CSMD2: variants seen among roughly 807,000 people sequenced by gnomAD.
CSMD2 encodes CUB and Sushi multiple domains 2.
In CSMD2, 130 loss-of-function variants were observed where a neutral mutation model predicts 398.5. The observed-to-expected ratio is 0.33, with a 90% confidence interval of 0.28 to 0.38. CSMD2 has a LOEUF of 0.38. Ranked by LOEUF, CSMD2 falls within the 10% of genes least tolerant of loss-of-function variation. The probability of loss-of-function intolerance (pLI) is 1.00; values close to 1 mark genes in which losing one functional copy is unlikely to be tolerated. For missense variants in CSMD2, 3,829 were observed against 4,764.9 expected (o/e 0.80, Z 5.78); for synonymous variants, 1,828 against 1,908.5 (o/e 0.96, Z 1.10).
intron 13 of CSMD2, among the ~76,000 whole-genome samples, chr1:33,748,597 C>T (rs1449076485): frequency 2.0e-5 from 3 of 151,620 alleles, no homozygotes; most frequent in African/African-American, 7.3e-5. Context: ...GGTGTTGTCA[C>T]CAAACAAAGA....
Position 33,614,613 on chromosome 1 carries a change from A to G in CSMD2, c.6024T>C (p.Cys2008=), listed in dbSNP as rs1280872449. ...CCTCCATCTCCTCCACTGTTCCCCC[A>G]CACTGTGCTGTGACAATGAGATGAG... The part of the protein sequence containing the change: ...NYPPPLCIAQ[C]GGTVEEMEGV... Residue 2008 remains cysteine, a synonymous_variant, in exon 40 of 71, where the codon TGT becomes TGC. Coordinates refer to ENST00000373381, the MANE Select transcript of CSMD2 (RefSeq NM_001281956.2). 4 of 1,597,652 alleles carry G rather than the reference A, an allele frequency of 2.5e-6. No individual in the cohort carries two copies. The Admixed American group carries it at 6.7e-5, about 27-fold the overall frequency.
At chr1:33,680,438 T>C (rs1010995211) in intron 25 of CSMD2, among the ~76,000 whole-genome samples, 2 of 152,134 alleles carry the variant, frequency 1.3e-5, no homozygotes, top group Admixed American at 1.3e-4. Context: ...TTCCTTTCCC[T>C]GTGCACCGTC....
At chr1:33,585,190 C>T (rs1638999374) in intron 46 of CSMD2, among the ~76,000 whole-genome samples, 1 of 152,154 alleles carries the variant, frequency 6.6e-6, no homozygotes, top group Non-Finnish European at 1.5e-5. Flanking sequence ...CAGTGTTTTG[C>T]AGTAGATGTG....
At chr1:33,927,164 T>C (rs138249374) in intron 4 of CSMD2, among the ~76,000 whole-genome samples, 9 of 152,308 alleles carry the variant, frequency 5.9e-5, no homozygotes, top group Admixed American at 2.0e-4. Context: ...CCTTTTCTTG[T>C]GGTGAATGGT....
chr1:33,644,972 C>T (rs544538433), intron 29 of CSMD2, among the ~76,000 whole-genome samples: 6 of 152,106 alleles, frequency 3.9e-5, no homozygotes, highest in African/African-American at 9.6e-5. Context: ...GAACTGTACC[C>T]GACAAACAGG....
At chr1:33,754,200 G>A (rs1648673295) in intron 13 of CSMD2, among the ~76,000 whole-genome samples, 1 of 152,188 alleles carries the variant, frequency 6.6e-6, no homozygotes, top group South Asian at 2.1e-4. Context: ...TTGGACATGG[G>A]GCCTGGGGGG....
chr1:33,984,834 AGGAG>A (rs1184672225), intron 3 of CSMD2, among the ~76,000 whole-genome samples: 1 of 146,858 alleles, frequency 6.8e-6, no homozygotes, highest in Non-Finnish European at 1.5e-5. Context: ...GAAGGAGGGA[AGGAG>A]GAAGGAAGGA....
intron 3 of CSMD2, among the ~76,000 whole-genome samples, chr1:33,950,286 C>T (rs1296962640): frequency 6.6e-6 from 1 of 152,082 alleles, no homozygotes; most frequent in Non-Finnish European, 1.5e-5. Context: ...CAAGGTCCTC[C>T]ATGAGCTAGC....
At chr1:33,985,833 A>G (rs548104522) in intron 3 of CSMD2, among the ~76,000 whole-genome samples, 1 of 152,008 alleles carries the variant, frequency 6.6e-6, no homozygotes, top group Admixed American at 6.6e-5. Context: ...GAGGCCTGGA[A>G]TCTCTTTGAT....
chr1:34,049,216 G>C (rs1034656764), intron 2 of CSMD2, among the ~76,000 whole-genome samples: 2 of 152,184 alleles, frequency 1.3e-5, no homozygotes, highest in African/African-American at 4.8e-5. Flanking sequence ...GGCTTTACCT[G>C]TGGGCCTCAT....
At chr1:34,086,579 T>A (rs1657912388) in intron 2 of CSMD2, among the ~76,000 whole-genome samples, 2 of 152,216 alleles carry the variant, frequency 1.3e-5, no homozygotes, top group Middle Eastern at 3.4e-3. Flanking sequence ...ATCTCCTTTC[T>A]CCCATAGCCC....
chr1:33,625,054 C>A lies in CSMD2; in HGVS notation c.5497G>T (p.Val1833Leu), dbSNP rs1420737474. 2 of 1,613,996 alleles carry A rather than the reference C, an allele frequency of 1.2e-6. No homozygotes were observed. ...AQWNVSAPTC[V>L]VPCGGNLTER... ...CGCCCGGGTCCTGGTTACTCACCCA[C>A]ACACGTGGGCGCTGAGACATTCCAT... The change falls in exon 34 of 71, where the codon GTG (valine) becomes TTG (leucine). Residue 1833 changes from valine (V) to leucine (L), a missense_variant. Physicochemically the swap from Val to Leu is conservative, Grantham distance 32 (BLOSUM62 1). This residue lies in a region of CSMD2 where 2,001 missense variants were observed against 2,567.1 expected (regional missense o/e 0.78). Coordinates refer to ENST00000373381, the MANE Select transcript of CSMD2 (RefSeq NM_001281956.2).
chr1:33,572,484 C>A, intron 50 of CSMD2, 22 bp downstream of exon 50: 1 of 1,536,310 alleles, frequency 6.5e-7, no homozygotes, highest in South Asian at 1.3e-5. Flanking sequence ...CTTACACCCG[C>A]CTCCATTGCC....
chr1:33,524,760 C>A (rs532721862), intron 66 of CSMD2, 122 bp downstream of exon 66: 48 of 961,626 alleles, frequency 5.0e-5, no homozygotes, highest in Non-Finnish European at 6.5e-5. Context: ...CTTCCTCTTC[C>A]CTGACCACCA....
At chr1:34,134,641 C>T (rs1330597862) in intron 1 of CSMD2, among the ~76,000 whole-genome samples, 1 of 152,146 alleles carries the variant, frequency 6.6e-6, no homozygotes, top group East Asian at 1.9e-4. Flanking sequence ...AGTGTAAACA[C>T]AGGTCCAAAC....
chr1:33,849,268 T>C (rs1204564384), intron 5 of CSMD2, among the ~76,000 whole-genome samples: 1 of 152,178 alleles, frequency 6.6e-6, no homozygotes, highest in Non-Finnish European at 1.5e-5. Flanking sequence ...GGCAGAATCA[T>C]CACATCAGAC....
chr1:34,126,815 G>A (rs1287366142), intron 1 of CSMD2, among the ~76,000 whole-genome samples: 14 of 151,322 alleles, frequency 9.3e-5, no homozygotes, highest in Admixed American at 9.2e-4. Flanking sequence ...GGGAGAGAGA[G>A]AGACATAGAT....
intron 51 of CSMD2, 72 bp downstream of exon 51, chr1:33,571,460 C>G: frequency 8.2e-7 from 1 of 1,218,770 alleles, no homozygotes; most frequent in Non-Finnish European, 1.1e-6. Context: ...CACCCCAGTT[C>G]ACTCCATGCA....
chr1:33,652,823 C>T (rs1185911920), intron 27 of CSMD2, among the ~76,000 whole-genome samples: 1 of 152,196 alleles, frequency 6.6e-6, no homozygotes, highest in African/African-American at 2.4e-5. Flanking sequence ...AGCGCGATCT[C>T]GGCTCACTGC....
Sources: gnomAD v4.1 joint callset for allele counts (sites outside exome capture counted in the v4.1 genomes callset) on GRCh38, gnomAD v4.1.1 for gene constraint, gnomAD v4.1.1 regional missense constraint, MANE v1.5 for transcripts, NCBI Gene and HGNC (gene_info 2026-07-23, HGNC 2026-07-21) for gene names.